FAAH2: variants seen among roughly 807,000 people sequenced by gnomAD.
The protein encoded by FAAH2 is fatty-acid amide hydrolase 2.
FAAH2 carries 60 observed loss-of-function variants against 36.9 expected under a neutral mutation model. The observed-to-expected ratio is 1.63, with a 90% CI of 1.32 to 2.02. The LOEUF is 2.02. Ranked by LOEUF, FAAH2 falls within the 30% of genes most tolerant of loss-of-function variation. The pLI, the probability that FAAH2 is intolerant of heterozygous loss-of-function variation, is 0.00. For missense variants in FAAH2, 689 were observed against 397.5 expected (o/e 1.73, Z -6.23); for synonymous variants, 214 against 143.8 (o/e 1.49, Z -3.49).
At chrX:57,148,988 A>C in the FAAH2 span, among the ~76,000 whole-genome samples, 1 of 111,877 alleles carries the variant, frequency 8.9e-6, no homozygotes, top group Non-Finnish European at 1.9e-5. Flanking sequence ...AATTTTGTCA[A>C]AGGCCTTTTC....
the FAAH2 span, among the ~76,000 whole-genome samples, chrX:57,185,488 CTGTGTGTGTGTGTGTG>C: frequency 4.3e-5 from 4 of 94,018 alleles, no homozygotes; most frequent in African/African-American, 1.3e-4. Context: ...CTCTCTGTCT[CTGTGTGTGTGTGTGTG>C]TGTGTGTGTG....
chrX:57,250,764 T>TAA, the FAAH2 span, among the ~76,000 whole-genome samples: 346 of 102,533 alleles, frequency 3.4e-3, 2 homozygotes, highest in African/African-American at 0.011. Context: ...CTAGAAGAAA[T>TAA]AAAAAAAAAA....
At chrX:57,426,183 G>T (rs748084357) in intron 7 of FAAH2, among the ~76,000 whole-genome samples, 2 of 111,741 alleles carry the variant, frequency 1.8e-5, no homozygotes, top group East Asian at 5.6e-4. Context: ...AGTAAAAAAA[G>T]GTCAGTATAT....
chrX:57,158,668 A>G, the FAAH2 span, among the ~76,000 whole-genome samples: 1 of 111,954 alleles, frequency 8.9e-6, no homozygotes, highest in Admixed American at 9.4e-5. Context: ...GTCTGTTCAT[A>G]TCCTTTGCCC....
chrX:57,457,537 C>A (rs2056883107), intron 10 of FAAH2, among the ~76,000 whole-genome samples: 2 of 110,096 alleles, frequency 1.8e-5, no homozygotes, highest in Non-Finnish European at 3.8e-5. Flanking sequence ...GATTCAATAC[C>A]TAGAAAACCC....
At chrX:57,460,185 G>A (rs1211803004) in intron 10 of FAAH2, among the ~76,000 whole-genome samples, 1 of 111,675 alleles carries the variant, frequency 9.0e-6, no homozygotes, top group East Asian at 2.8e-4. Flanking sequence ...CGATGGATTG[G>A]GGTCCCTGAA....
chrX:57,394,408 T>TTCTAC, intron 7 of FAAH2: 1 of 1,194,994 alleles, frequency 8.4e-7, no homozygotes, highest in East Asian at 3.0e-5. Context: ...CACCATATAA[T>TTCTAC]TCTACCTCTT....
At chrX:57,197,431 G>A in the FAAH2 span, among the ~76,000 whole-genome samples, 1 of 111,246 alleles carries the variant, frequency 9.0e-6, no homozygotes, top group African/African-American at 3.3e-5. Context: ...ACCTTTTGGG[G>A]ATGTTAAAGA....
At chrX:57,412,407 G>A (rs1056679019) in intron 7 of FAAH2, among the ~76,000 whole-genome samples, 10 of 110,344 alleles carry the variant, frequency 9.1e-5, no homozygotes, top group African/African-American at 3.3e-5. Context: ...AGCATGTGAT[G>A]TTCCCCTCCC....
intron 10 of FAAH2, among the ~76,000 whole-genome samples, chrX:57,475,626 T>A (rs2057252404): frequency 8.9e-6 from 1 of 111,977 alleles, no homozygotes; most frequent in African/African-American, 3.2e-5. Flanking sequence ...TCAGGTAGCA[T>A]GATTCCTCCA....
At chrX:57,314,865 G>A (rs1391507846) in intron 3 of FAAH2, among the ~76,000 whole-genome samples, 2 of 110,927 alleles carry the variant, frequency 1.8e-5, no homozygotes, top group African/African-American at 6.5e-5. Context: ...ATAACATAAC[G>A]CCAATGTGAA....
chrX:57,461,098 T>G (rs2056949840), intron 10 of FAAH2, among the ~76,000 whole-genome samples: 1 of 108,593 alleles, frequency 9.2e-6, no homozygotes, highest in Admixed American at 1.0e-4. Context: ...AAAGAAGAGC[T>G]AACTATCCTA....
chrX:57,437,402 T>C (rs1054509980), intron 8 of FAAH2, among the ~76,000 whole-genome samples: 5 of 109,962 alleles, frequency 4.5e-5, no homozygotes, highest in Non-Finnish European at 1.9e-5. Context: ...AAGAAAGAAA[T>C]AAAAGATATC....
the FAAH2 span, among the ~76,000 whole-genome samples, chrX:57,198,752 C>T: frequency 8.9e-6 from 1 of 112,401 alleles, no homozygotes; most frequent in African/African-American, 3.2e-5. Context: ...CCTGAGCTTC[C>T]CTGGGAACTG....
chrX:57,198,529 C>T, the FAAH2 span, among the ~76,000 whole-genome samples: 2 of 112,577 alleles, frequency 1.8e-5, no homozygotes, highest in Admixed American at 9.4e-5. Context: ...GGCTGTCAGG[C>T]CCCTCTGCTC....
intron 5 of FAAH2, among the ~76,000 whole-genome samples, chrX:57,376,746 G>T (rs571117645): frequency 9.0e-6 from 1 of 111,707 alleles, no homozygotes; most frequent in African/African-American, 3.3e-5. Context: ...TTCTGCAATG[G>T]TTGAACTAAT....
Position 57,307,645 on chromosome X carries a change from C to T in FAAH2, c.276-2948C>T, listed in dbSNP as rs187418355. ...CCACATTTTAAAAATATAATATCAA[C>T]TTTTATCTTAAATTCAAGGGGCACA... is the stretch of plus-strand genomic sequence containing the variant. On this transcript the variant is annotated intron_variant, in intron 2 of 10. Coordinates refer to ENST00000374900, the MANE Select transcript of FAAH2 (RefSeq NM_174912.4). Among the ~76,000 whole-genome samples the T allele has an allele frequency of 1.7e-4, 19 of 111,038 alleles. No individual in the cohort carries two copies. In the East Asian group the frequency reaches 4.6e-3, roughly 27 times the overall value.
At chrX:57,207,915 G>T in the FAAH2 span, among the ~76,000 whole-genome samples, 3 of 112,808 alleles carry the variant, frequency 2.7e-5, no homozygotes, top group African/African-American at 9.7e-5. Flanking sequence ...GGCCTGAGCC[G>T]GAAATGCCCC....
At chrX:57,153,633 G>T in the FAAH2 span, among the ~76,000 whole-genome samples, 2 of 112,172 alleles carry the variant, frequency 1.8e-5, no homozygotes, top group African/African-American at 3.2e-5. Context: ...TCTTAGTTTT[G>T]CTGGATACAA....
Sources: allele counts gnomAD v4.1 joint callset (sites outside exome capture counted in the v4.1 genomes callset), GRCh38; gene constraint gnomAD v4.1.1; transcripts MANE v1.5; gene names NCBI Gene and HGNC (gene_info 2026-07-23, HGNC 2026-07-21).